CACNG6: variants seen among roughly 807,000 people sequenced by gnomAD.
The protein encoded by CACNG6 is voltage-dependent calcium channel gamma-6 subunit.
CACNG6 carries 21 observed loss-of-function variants against 23.9 expected under a neutral mutation model. The observed-to-expected ratio is 0.88, with a 90% CI of 0.62 to 1.26. CACNG6 has a LOEUF of 1.26. Ranked by LOEUF, CACNG6 falls within the 50% of genes most tolerant of loss-of-function variation. The pLI is 0.00. For synonymous variants in CACNG6, 182 were observed against 168.9 expected, an observed-to-expected ratio of 1.08 and a Z score of -0.60; for missense variants, 340 against 352.9, an observed-to-expected ratio of 0.96 and a Z score of 0.29.
chr19:54,004,335 TTGTGTGTGTGTGTGTGTGTGTG>T lies in CACNG6; in HGVS notation c.544+4600_544+4621del, dbSNP rs4022332. Among the ~76,000 whole-genome samples, 783 of 107,316 alleles carry T rather than the reference TTGTGTGTGTGTGTGTGTGTGTG, an allele frequency of 7.3e-3. 15 individuals carry two copies. Among genetic ancestry groups the T allele is most frequent in the African/African-American group, 0.028 (706 of 25,276 alleles). 70.4% of individuals were successfully genotyped at this position (107,316 alleles called of 152,430 possible). A position where few individuals can be genotyped will look rare whatever the true frequency, so the allele number is the denominator to read the frequency against. ...ACCACGCCTGGTTAATTTTGTATTT[TTGTGTGTGTGTGTGTGTGTGTG>T]TGTGTGTGTGTGTGTGTGTGTGTGT... On this transcript the variant is annotated intron_variant, in intron 3 of 3. Transcript: ENST00000252729.
chr19:53,994,198 C>G (rs1023001388), intron 1 of CACNG6, among the ~76,000 whole-genome samples: 1 of 152,150 alleles, frequency 6.6e-6, no homozygotes, highest in Non-Finnish European at 1.5e-5. Flanking sequence ...AAAGCAGGAT[C>G]TATGCCTGTT....
chr19:53,997,540 G>A (rs1243352750), intron 1 of CACNG6, among the ~76,000 whole-genome samples: 1 of 151,888 alleles, frequency 6.6e-6, no homozygotes, highest in African/African-American at 2.4e-5. Context: ...AGGAGTACCC[G>A]TTCATACACG....
At chr19:54,005,565 C>T (rs1233464928) in intron 3 of CACNG6, among the ~76,000 whole-genome samples, 2 of 151,542 alleles carry the variant, frequency 1.3e-5, no homozygotes, top group East Asian at 3.9e-4. Context: ...ACCAGCCTGG[C>T]CAACGTGGTG....
At chr19:53,999,013 C>T (rs2069549570) in intron 2 of CACNG6, among the ~76,000 whole-genome samples, 1 of 152,120 alleles carries the variant, frequency 6.6e-6, no homozygotes, top group South Asian at 2.1e-4. Context: ...CTTCCATCTT[C>T]CAGAAGTCCA....
rs2069727108 is a variant in CACNG6 at position 54,012,279 on chromosome 19, A to G, written c.*90A>G. The G allele has an allele frequency of 1.2e-5, 7 of 562,746 alleles. No individual in the cohort carries two copies. Among genetic ancestry groups the G allele is most frequent in the Non-Finnish European group, 2.1e-5 (7 of 340,794 alleles). The allele number at this position is 562,746 out of a possible 1,614,324, so 34.9% of individuals were successfully genotyped here. Reference sequence around the variant, plus strand: ...GATCTTTTTGCCCCATCTCCTAGAGAAACTGTGTTCTCCCTGCTCGGGGGC... The same window carrying G: ...GATCTTTTTGCCCCATCTCCTAGAGGAACTGTGTTCTCCCTGCTCGGGGGC... On this transcript the variant is annotated 3_prime_UTR_variant, in exon 4 of 4. Coordinates refer to ENST00000252729, the MANE Select transcript of CACNG6 (RefSeq NM_145814.2).
At chr19:54,008,575 C>T (rs1439198266) in intron 3 of CACNG6, among the ~76,000 whole-genome samples, 1 of 152,184 alleles carries the variant, frequency 6.6e-6, no homozygotes, top group Non-Finnish European at 1.5e-5. Flanking sequence ...TCCCCAACCC[C>T]AACTCTCCTT....
chr19:54,009,069 G>A (rs1048639193), intron 3 of CACNG6, among the ~76,000 whole-genome samples: 2 of 152,054 alleles, frequency 1.3e-5, no homozygotes, highest in East Asian at 1.9e-4. Context: ...TGAGTGGATC[G>A]CTTGAGGTCA....
At chr19:54,005,895 A>G (rs307964) in intron 3 of CACNG6, among the ~76,000 whole-genome samples, 111,907 of 151,644 alleles carry the variant, frequency 0.74, 41,784 homozygotes, top group East Asian at 0.96. Context: ...TTTGAGACCA[A>G]CCTGACCAAC....
At chr19:53,995,635 C>G (rs749736896) in intron 1 of CACNG6, among the ~76,000 whole-genome samples, 1 of 152,224 alleles carries the variant, frequency 6.6e-6, no homozygotes, top group Non-Finnish European at 1.5e-5. Context: ...AGCACCTGCA[C>G]CCTTCGCTCA....
At position 54,012,138 on chromosome 19, in the gene CACNG6, T is replaced by C. The variant is rs747553099; in HGVS notation, c.732T>C (p.Pro244=). Residue 244 remains proline, a synonymous_variant, in exon 4 of 4, where the codon CCT becomes CCC. Coordinates refer to ENST00000252729, the MANE Select transcript of CACNG6 (RefSeq NM_145814.2). ...GAGCFLLLTL[P]SWPWGSLCPK... ...GCTGCTTTCTGCTGCTCACACTGCCTTCCTGGCCCTGGGGGTCCCTCTGTC... is the reference window on the plus strand; with the variant it reads ...GCTGCTTTCTGCTGCTCACACTGCCCTCCTGGCCCTGGGGGTCCCTCTGTC... 1 of 1,535,588 alleles carries C rather than the reference T, an allele frequency of 6.5e-7. No homozygotes were observed. The highest frequency in any genetic ancestry group is 2.4e-5 in the East Asian group (1 of 40,950).
intron 1 of CACNG6, among the ~76,000 whole-genome samples, chr19:53,995,337 C>T (rs931110520): frequency 6.6e-6 from 1 of 152,132 alleles, no homozygotes. Flanking sequence ...AACCCAACCC[C>T]TCAGAGGACA....
At chr19:53,991,253 C>T (rs56362146), upstream of CACNG6, among the ~76,000 whole-genome samples, 35,426 of 151,540 alleles carry the variant, frequency 0.23, 4,303 homozygotes, top group Non-Finnish European at 0.28. Flanking sequence ...GCTTCTTCTC[C>T]CTTAGGGACC....
At chr19:53,993,842 C>T (rs540214811) in intron 1 of CACNG6, among the ~76,000 whole-genome samples, 2 of 151,626 alleles carry the variant, frequency 1.3e-5, no homozygotes, top group Admixed American at 6.6e-5. Flanking sequence ...AAAGTCCCTG[C>T]CCCCACACAG....
At position 53,999,670 on chromosome 19, in the gene CACNG6, G is replaced by A. The variant is rs748127619; in HGVS notation, c.443G>A (p.Gly148Asp). The change falls in exon 3 of 4, where the codon GGC (glycine) becomes GAC (aspartate). Residue 148 changes from glycine to aspartate, a missense_variant. Transcript: ENST00000252729. ...GCAGCTGCGGTGATAGCAGTGCTGG[G>A]CCTGGCAGTCATGGCCTTGGGGTGC... is the stretch of plus-strand genomic sequence containing the variant. ...NLAAAVIAVL[G>D]LAVMALGCLC... The A allele has an allele frequency of 5.0e-6, 8 of 1,614,026 alleles. No individual in the cohort carries two copies. In the South Asian group the frequency reaches 5.5e-5, roughly 11 times the overall value.
intron 3 of CACNG6, among the ~76,000 whole-genome samples, chr19:54,003,550 T>A (rs555059443): frequency 6.6e-6 from 1 of 151,896 alleles, no homozygotes; most frequent in Non-Finnish European, 1.5e-5. Context: ...TAATAGAGAC[T>A]GGGTTTCTCC....
At chr19:53,998,381 G>C (rs1346949261) in intron 2 of CACNG6, 68 bp downstream of exon 2, 3 of 1,415,280 alleles carry the variant, frequency 2.1e-6, no homozygotes, top group Middle Eastern at 1.8e-4. Flanking sequence ...AGGAGTTCTA[G>C]AGAGAGTTAT....
At chr19:54,005,961 G>A (rs1236767649) in intron 3 of CACNG6, among the ~76,000 whole-genome samples, 1 of 149,378 alleles carries the variant, frequency 6.7e-6, no homozygotes, top group Non-Finnish European at 1.5e-5. Flanking sequence ...GTGGCGGCGG[G>A]TGCCTGTAAT....
chr19:54,004,746 C>G (rs2069620845), intron 3 of CACNG6, among the ~76,000 whole-genome samples: 1 of 152,142 alleles, frequency 6.6e-6, no homozygotes, highest in African/African-American at 2.4e-5. Context: ...TTTTCCCGGG[C>G]TGCCTCCTCG....
chr19:53,996,063 G>A (rs948929460), intron 1 of CACNG6, among the ~76,000 whole-genome samples: 7 of 152,302 alleles, frequency 4.6e-5, no homozygotes, highest in South Asian at 2.1e-4. Flanking sequence ...CTTGGGGAGC[G>A]CCCGCCCACA....
Sources: gnomAD v4.1 joint callset for allele counts (sites outside exome capture counted in the v4.1 genomes callset) on GRCh38, gnomAD v4.1.1 for gene constraint, MANE v1.5 for transcripts, NCBI Gene and HGNC (gene_info 2026-07-23, HGNC 2026-07-21) for gene names.